Variants in SYNE3 observed in about 807,000 individuals in gnomAD.
SYNE3 encodes the protein nesprin-3.
In SYNE3, 100 loss-of-function variants were observed where a neutral mutation model predicts 111.2. That is an observed-to-expected ratio of 0.90 (90% CI 0.77 to 1.06). SYNE3 has a LOEUF of 1.06. Ranked by LOEUF, SYNE3 falls within the 50% of genes least tolerant of loss-of-function variation. The pLI is 0.00. For missense variants in SYNE3, 1,160 were observed against 1,240.3 expected (o/e 0.94, Z 0.97); for synonymous variants, 547 against 533.9 (o/e 1.02, Z -0.34).
chr14:95,419,744 T>C (rs1196148635), intron 17 of SYNE3, among the ~76,000 whole-genome samples: 2 of 144,920 alleles, frequency 1.4e-5, no homozygotes, highest in Non-Finnish European at 3.0e-5. Context: ...AGTAAGGTGG[T>C]GATGATGGTG....
rs188352371 is a variant in SYNE3 at position 95,514,069 on chromosome 14, G to A, written c.-15+2527C>T. Among the ~76,000 whole-genome samples the A allele has an allele frequency of 6.8e-4, 103 of 152,100 alleles. No individual in the cohort carries two copies. The Middle Eastern group carries it at 0.01, about 15-fold the overall frequency. On this transcript the variant is annotated intron_variant, in intron 1 of 17. Transcript: ENST00000682763. ...CAGGAAGAGCTTTGGAAGACCCCAC[G>A]AACACATTTGAGTCCCTCTGTAGGC...
intron 1 of SYNE3, among the ~76,000 whole-genome samples, chr14:95,486,808 C>T (rs1268795216): frequency 1.3e-5 from 2 of 152,098 alleles, no homozygotes; most frequent in African/African-American, 2.4e-5. Context: ...TTTTATTACA[C>T]GCAAGTTTTT....
At chr14:95,483,579 A>G (rs1009718226) in intron 1 of SYNE3, among the ~76,000 whole-genome samples, 1 of 152,142 alleles carries the variant, frequency 6.6e-6, no homozygotes, top group African/African-American at 2.4e-5. Context: ...GACCTTGGCA[A>G]TCTTCTCCTC....
chr14:95,481,843 G>A (rs978259520), intron 1 of SYNE3, among the ~76,000 whole-genome samples: 4 of 152,224 alleles, frequency 2.6e-5, no homozygotes, highest in Admixed American at 1.3e-4. Flanking sequence ...TGGTCTCTGG[G>A]GGACCAGGCT....
At chr14:95,446,196 C>T (rs1886709741) in intron 8 of SYNE3, 105 bp from the exon 9 acceptor site, 8 of 1,361,828 alleles carry the variant, frequency 5.9e-6, no homozygotes, top group Non-Finnish European at 7.0e-6. Context: ...GGAAGCTCAC[C>T]TTTGTGCAGG....
chr14:95,449,760 A>G lies in SYNE3; in HGVS notation c.1449+171T>C, dbSNP rs1400107410. 5.2e-6 allele frequency: 5 copies of G among 955,460 alleles called. No individual in the cohort carries two copies. In the Admixed American group the frequency reaches 1.8e-4, roughly 35 times the overall value. 59.2% of individuals were successfully genotyped at this position (955,460 alleles called of 1,614,324 possible). On this transcript the variant is annotated intron_variant, in intron 8 of 17. Coordinates refer to ENST00000682763, the MANE Select transcript of SYNE3 (RefSeq NM_152592.6). ...CGAGCTGACCTTTGTCAGTGTAACAAGCAAGCATGGACGCTCCCTGTGCAC... is the reference window on the plus strand; with the variant it reads ...CGAGCTGACCTTTGTCAGTGTAACAGGCAAGCATGGACGCTCCCTGTGCAC...
In SYNE3 at chr14:95,414,574, G is replaced by A. The variant is rs768487767; in HGVS notation, c.*3252C>T. 1.3e-5 allele frequency: 2 copies of A among 152,050 alleles called. No homozygotes were observed. The highest frequency in any genetic ancestry group is 4.8e-5 in the African/African-American group (2 of 41,368). 9.4% of individuals were successfully genotyped at this position (152,050 alleles called of 1,614,324 possible). ...ATGTGCCTTTCCACATGCAGAGAACGGGCTAAGAAAGAAAGGGGTGGGAGG... is the reference window on the plus strand; with the variant it reads ...ATGTGCCTTTCCACATGCAGAGAACAGGCTAAGAAAGAAAGGGGTGGGAGG... On this transcript the variant is annotated 3_prime_UTR_variant, in exon 18 of 18. Coordinates refer to ENST00000682763, the MANE Select transcript of SYNE3 (RefSeq NM_152592.6).
chr14:95,440,920 GTCTT>G (rs1477496138), intron 11 of SYNE3, among the ~76,000 whole-genome samples: 1 of 152,204 alleles, frequency 6.6e-6, no homozygotes, highest in Non-Finnish European at 1.5e-5. Flanking sequence ...TTCACGTTCA[GTCTT>G]TCTTTGTTCT....
intron 17 of SYNE3, among the ~76,000 whole-genome samples, chr14:95,420,292 C>G (rs1031759337): frequency 2.0e-5 from 3 of 151,962 alleles, no homozygotes; most frequent in Non-Finnish European, 2.9e-5. Context: ...TGGGTGGGGC[C>G]AAATCTCTGA....
chr14:95,477,622 CAGA>C (rs1309471102), intron 1 of SYNE3, among the ~76,000 whole-genome samples: 1 of 152,182 alleles, frequency 6.6e-6, no homozygotes, highest in East Asian at 1.9e-4. Flanking sequence ...AAGAGGCCAT[CAGA>C]CGCGTGCTGG....
chr14:95,508,918 G>A (rs1485842641), intron 1 of SYNE3, among the ~76,000 whole-genome samples: 2 of 152,208 alleles, frequency 1.3e-5, no homozygotes, highest in Admixed American at 1.3e-4. Flanking sequence ...GAAATATTAG[G>A]ATCTGTCCTT....
At chr14:95,433,828 A>T (rs772659767) in intron 15 of SYNE3, among the ~76,000 whole-genome samples, 1 of 152,124 alleles carries the variant, frequency 6.6e-6, no homozygotes, top group Non-Finnish European at 1.5e-5. Flanking sequence ...TTCCCTTGGG[A>T]TGGAAACTTT....
intron 17 of SYNE3, among the ~76,000 whole-genome samples, chr14:95,423,017 G>A (rs770583208): frequency 1.1e-4 from 16 of 152,296 alleles, no homozygotes; most frequent in Middle Eastern, 3.4e-3. Flanking sequence ...ACAGCCCTGC[G>A]TTCGCTCCCC....
intron 2 of SYNE3, among the ~76,000 whole-genome samples, chr14:95,469,402 A>C (rs1189282746): frequency 1.3e-5 from 2 of 151,928 alleles, no homozygotes; most frequent in Non-Finnish European, 2.9e-5. Context: ...ATTAATTTTA[A>C]AAACACTTTT....
intron 17 of SYNE3, among the ~76,000 whole-genome samples, chr14:95,420,919 TG>T (rs1002824509): frequency 7.9e-5 from 12 of 152,166 alleles, no homozygotes; most frequent in African/African-American, 2.2e-4. Flanking sequence ...CCATGTGTTA[TG>T]GGAGGGACCC....
At chr14:95,419,735 G>A (rs556616394) in intron 17 of SYNE3, among the ~76,000 whole-genome samples, 3 of 148,434 alleles carry the variant, frequency 2.0e-5, no homozygotes, top group Non-Finnish European at 4.5e-5. Context: ...GGTGGTGAGA[G>A]TAAGGTGGTG....
intron 1 of SYNE3, among the ~76,000 whole-genome samples, chr14:95,513,543 A>T (rs533787957): frequency 6.6e-6 from 1 of 151,862 alleles, no homozygotes; most frequent in Non-Finnish European, 1.5e-5. Flanking sequence ...CCCAAAAGGG[A>T]AGTATTTCAA....
At chr14:95,422,365 C>T (rs1290309218) in intron 17 of SYNE3, among the ~76,000 whole-genome samples, 1 of 152,160 alleles carries the variant, frequency 6.6e-6, no homozygotes, top group Non-Finnish European at 1.5e-5. Flanking sequence ...TTCCTATGCT[C>T]ATTTTACAGA....
intron 1 of SYNE3, among the ~76,000 whole-genome samples, chr14:95,494,848 C>T (rs1890016434): frequency 6.6e-6 from 1 of 152,038 alleles, no homozygotes; most frequent in South Asian, 2.1e-4. Flanking sequence ...CGCCGTGGCT[C>T]ATGCCTGTAA....
Sources: gnomAD v4.1 joint callset for allele counts (sites outside exome capture counted in the v4.1 genomes callset) on GRCh38, gnomAD v4.1.1 for gene constraint, MANE v1.5 for transcripts, NCBI Gene and HGNC (gene_info 2026-07-23, HGNC 2026-07-21) for gene names.